The following DIP2A variants were observed in gnomAD, a reference collection of about 807,000 sequenced individuals.
DIP2A encodes disco-interacting protein 2 homolog A.
DIP2A carries 85 observed loss-of-function variants against 177.4 expected under a neutral mutation model. The ratio of observed to expected loss-of-function variants is 0.48; its 90% confidence interval spans 0.40 to 0.57. The LOEUF (loss-of-function observed/expected upper bound fraction) is 0.57. Ranked by LOEUF, DIP2A falls within the 20% of genes least tolerant of loss-of-function variation. The pLI, the probability that DIP2A is intolerant of heterozygous loss-of-function variation, is 0.00. For synonymous variants in DIP2A, 886 were observed against 881.8 expected (o/e 1.00, Z -0.08); for missense variants, 1,791 against 2,100.2 (o/e 0.85, Z 2.88).
chr21:46,505,709 C>T (rs1568992014), intron 6 of DIP2A, among the ~76,000 whole-genome samples: 1 of 152,158 alleles, frequency 6.6e-6, no homozygotes, highest in Non-Finnish European at 1.5e-5. Context: ...TTCCTTGGTC[C>T]TCCTCTCTTC....
chr21:46,572,261 A>G (rs575809931), downstream of DIP2A, among the ~76,000 whole-genome samples: 2 of 152,356 alleles, frequency 1.3e-5, no homozygotes, highest in African/African-American at 4.8e-5. Flanking sequence ...GAAAGTTTAT[A>G]AAGTTACAGT....
At chr21:46,511,892 A>C (rs775781924) in intron 8 of DIP2A, among the ~76,000 whole-genome samples, 1 of 152,162 alleles carries the variant, frequency 6.6e-6, no homozygotes, top group Non-Finnish European at 1.5e-5. Context: ...ACTTTGTATA[A>C]GGGGAATCAG....
rs780857058 is a variant in DIP2A at position 46,498,545 on chromosome 21, C to G, written c.404-37C>G. 3.8e-6 allele frequency: 6 copies of G among 1,572,454 alleles called. No homozygotes were observed. The highest frequency in any genetic ancestry group is 5.2e-6 in the Non-Finnish European group (6 of 1,158,458). ...GAACTCCGTCCTCCTCTTGACTCAT[C>G]CCGATATCATGCCTGTCATCGTTAT... On this transcript the variant is annotated intron_variant, in intron 4 of 37. Coordinates refer to ENST00000417564, the MANE Select transcript of DIP2A (RefSeq NM_015151.4). This position sits in a 1 kb window ranked among gnomAD's most constrained non-coding sequence, Gnocchi z 4.3.
At chr21:46,512,811 AC>A (rs1362092807) in intron 8 of DIP2A, among the ~76,000 whole-genome samples, 4 of 86,622 alleles carry the variant, frequency 4.6e-5, no homozygotes, top group South Asian at 3.4e-4. Context: ...AAAAAAAAAA[AC>A]AAACAAAACA....
chr21:46,576,614 AT>A, the DIP2A span, among the ~76,000 whole-genome samples: 1 of 152,158 alleles, frequency 6.6e-6, no homozygotes, highest in Non-Finnish European at 1.5e-5. Flanking sequence ...TAATAGAATA[AT>A]TTATATTCCG....
chr21:46,492,423 T>G (rs2057067572), intron 3 of DIP2A, among the ~76,000 whole-genome samples: 1 of 152,234 alleles, frequency 6.6e-6, no homozygotes, highest in African/African-American at 2.4e-5. Context: ...ATCAGTAGTG[T>G]TAGTCCTTCA....
the DIP2A span, among the ~76,000 whole-genome samples, chr21:46,582,655 A>G: frequency 3.2e-4 from 48 of 151,610 alleles, no homozygotes; most frequent in African/African-American, 1.0e-3. Flanking sequence ...GTCAGTCTCA[A>G]TGAGAGAACC....
intron 26 of DIP2A, 40 bp downstream of exon 26, chr21:46,554,332 A>G: frequency 6.2e-7 from 1 of 1,609,866 alleles, no homozygotes; most frequent in Non-Finnish European, 8.5e-7. Flanking sequence ...AGCTCTTTGT[A>G]AGCAGCCTCC....
intron 24 of DIP2A, 30 bp downstream of exon 24, chr21:46,551,773 C>CGGGTGTCT: frequency 6.2e-7 from 1 of 1,613,388 alleles, no homozygotes; most frequent in Non-Finnish European, 8.5e-7. Flanking sequence ...GACGGGTGGA[C>CGGGTGTCT]GGGTGTCTGT....
chr21:46,467,287 C>T (rs1219421788), intron 1 of DIP2A, among the ~76,000 whole-genome samples: 3 of 127,500 alleles, frequency 2.4e-5, no homozygotes, highest in Non-Finnish European at 5.0e-5. Context: ...CAGAGCGAGA[C>T]TCCGTCTCAA....
chr21:46,464,262 G>A (rs930040633), intron 1 of DIP2A, among the ~76,000 whole-genome samples: 2 of 151,602 alleles, frequency 1.3e-5, no homozygotes, highest in Non-Finnish European at 1.5e-5. Context: ...GCGTGGTGGC[G>A]TATGCCTGTA....
Position 46,497,115 on chromosome 21 carries a change from T to A in DIP2A, c.403+8T>A, listed in dbSNP as rs1444842245. The stretch of plus-strand genomic sequence containing the variant: ...AAACCTACACCCCTCCAGGTATTGA[T>A]AAACAATGTCAAGTGTGGCTTTTTT... On this transcript the variant is annotated splice_region_variant and intron_variant, in intron 4 of 37. Transcript: ENST00000417564. 6.4e-7 allele frequency: 1 copy of A among 1,571,782 alleles called. No homozygotes were observed. Among genetic ancestry groups the A allele is most frequent in the African/African-American group, 1.7e-5 (1 of 59,540 alleles).
At chr21:46,472,844 G>A (rs1354573302) in intron 1 of DIP2A, among the ~76,000 whole-genome samples, 2 of 152,172 alleles carry the variant, frequency 1.3e-5, no homozygotes, top group Non-Finnish European at 2.9e-5. Flanking sequence ...TAAGGCAGGA[G>A]GGGTGCTGGT....
At chr21:46,575,073 T>C in the DIP2A span, among the ~76,000 whole-genome samples, 1 of 152,036 alleles carries the variant, frequency 6.6e-6, no homozygotes, top group East Asian at 1.9e-4. Context: ...AAAAACACTA[T>C]ATAGCATTAC....
intron 4 of DIP2A, among the ~76,000 whole-genome samples, chr21:46,497,747 G>A (rs1197822729): frequency 6.6e-6 from 1 of 151,948 alleles, no homozygotes; most frequent in Non-Finnish European, 1.5e-5. Flanking sequence ...TTGGTTTGAG[G>A]TATTTGGAGA....
At chr21:46,502,381 C>G (rs138250810) in intron 5 of DIP2A, among the ~76,000 whole-genome samples, 1 of 151,336 alleles carries the variant, frequency 6.6e-6, no homozygotes, top group Non-Finnish European at 1.5e-5. Context: ...ATCCTCCTGC[C>G]TCAGCCTCCC....
Position 46,557,267 on chromosome 21 carries a change from C to T in DIP2A, c.3629+198C>T, listed in dbSNP as rs1482850827. ...TACATTTTTCATTAAATACACTGTC[C>T]GTTATCAGTACTTGGGAAGAATCTG... On this transcript the variant is annotated intron_variant, in intron 30 of 37. Coordinates refer to ENST00000417564, the MANE Select transcript of DIP2A (RefSeq NM_015151.4). This position sits in a 1 kb window ranked among gnomAD's most constrained non-coding sequence, Gnocchi z 6.0. The T allele has an allele frequency of 1.1e-5, 7 of 656,672 alleles. No homozygotes were observed. In the East Asian group the frequency reaches 1.1e-4, roughly 10 times the overall value. The allele number at this position is 656,672 out of a possible 1,614,324, so 40.7% of individuals were successfully genotyped here. A position where few individuals can be genotyped will look rare whatever the true frequency, so the allele number is the denominator to read the frequency against.
chr21:46,504,189 T>C (rs2057854338), intron 5 of DIP2A, 172 bp from the exon 6 acceptor site: 3 of 832,432 alleles, frequency 3.6e-6, no homozygotes, highest in South Asian at 3.2e-5. Flanking sequence ...TGGGAGTTCA[T>C]AGGGTCCCAG....
chr21:46,543,841 G>C (rs913902877), intron 18 of DIP2A, among the ~76,000 whole-genome samples: 11 of 152,138 alleles, frequency 7.2e-5, no homozygotes, highest in Non-Finnish European at 1.6e-4. Context: ...TTCCACATCA[G>C]CCAAGCACCA....
Sources: gnomAD v4.1 joint callset for allele counts (sites outside exome capture counted in the v4.1 genomes callset) on GRCh38, gnomAD v4.1.1 for gene constraint, Gnocchi (gnomAD v3.1) non-coding constraint, MANE v1.5 for transcripts, NCBI Gene and HGNC (gene_info 2026-07-23, HGNC 2026-07-21) for gene names.